Variants in RFC3 observed in about 807,000 individuals in gnomAD.
RFC3 encodes replication factor C subunit 3.
In RFC3, 41 loss-of-function variants were observed where a neutral mutation model predicts 45.1. The observed-to-expected ratio is 0.91, with a 90% confidence interval of 0.71 to 1.18. The LOEUF is 1.18. RFC3 is among the 50% of genes most tolerant of loss of function. RFC3 has a pLI of 0.00. For synonymous variants in RFC3, 149 were observed against 144.0 expected (o/e 1.03, Z -0.25); for missense variants, 423 against 428.1 (o/e 0.99, Z 0.10).
At chr13:33,823,352 T>C (rs1388501134) in intron 2 of RFC3, among the ~76,000 whole-genome samples, 1 of 152,148 alleles carries the variant, frequency 6.6e-6, no homozygotes, top group Non-Finnish European at 1.5e-5. Context: ...GAGATATTAA[T>C]TGTGGAATTG....
intron 8 of RFC3, among the ~76,000 whole-genome samples, chr13:33,947,304 T>C (rs2082960485): frequency 6.6e-6 from 1 of 152,186 alleles, no homozygotes; most frequent in African/African-American, 2.4e-5. Context: ...TTTCCCCTGC[T>C]TGCACTTATT....
At chr13:33,882,618 A>G (rs1179256146) in intron 8 of RFC3, among the ~76,000 whole-genome samples, 1 of 152,216 alleles carries the variant, frequency 6.6e-6, no homozygotes, top group Non-Finnish European at 1.5e-5. Context: ...TGGACCTGCT[A>G]GCTCCTAGAT....
At chr13:33,831,158 C>A in intron 6 of RFC3, 98 bp from the exon 7 acceptor site, 1 of 747,960 alleles carries the variant, frequency 1.3e-6, no homozygotes, top group Non-Finnish European at 2.3e-6. Flanking sequence ...TGCTGTGCAG[C>A]CCGGTTCCTA....
intron 8 of RFC3, among the ~76,000 whole-genome samples, chr13:33,914,125 G>T (rs1446952948): frequency 1.3e-5 from 2 of 151,832 alleles, no homozygotes; most frequent in Non-Finnish European, 2.9e-5. Context: ...GCGGTTCATG[G>T]TCAATTATAA....
intron 8 of RFC3, among the ~76,000 whole-genome samples, chr13:33,864,588 C>T (rs2082361494): frequency 6.6e-6 from 1 of 151,950 alleles, no homozygotes. Context: ...GGGAGTGTGA[C>T]TGGAGGTCAG....
intron 8 of RFC3, among the ~76,000 whole-genome samples, chr13:33,887,496 T>A (rs2082533749): frequency 6.6e-6 from 1 of 152,204 alleles, no homozygotes; most frequent in African/African-American, 2.4e-5. Context: ...GGTTTTTTCT[T>A]GTAAATTTGT....
intron 8 of RFC3, among the ~76,000 whole-genome samples, chr13:33,897,132 G>A (rs1218425480): frequency 6.6e-6 from 1 of 152,096 alleles, no homozygotes; most frequent in East Asian, 1.9e-4. Flanking sequence ...ACTATAGTGT[G>A]CAATCCATTT....
chr13:33,885,347 A>AG (rs397966584), intron 8 of RFC3, among the ~76,000 whole-genome samples: 1 of 151,954 alleles, frequency 6.6e-6, no homozygotes, highest in African/African-American at 2.4e-5. Flanking sequence ...AAAAAAAAAA[A>AG]CTGCGTAATT....
intron 4 of RFC3, chr13:33,829,393 C>T (rs1225269928): frequency 1.2e-5 from 2 of 171,132 alleles, no homozygotes; most frequent in Admixed American, 6.3e-5. Flanking sequence ...GGAAATGCAG[C>T]ACAGTACTTC....
rs752607124 is a variant in RFC3 at position 33,821,297 on chromosome 13, A to T, written c.225+28A>T. Reference sequence around the variant, plus strand: ...AAGCATTTCACTTTGAGGCCCTGAAAGTAATTTATAGCGGGGACTTTCAGT... The same window carrying T: ...AAGCATTTCACTTTGAGGCCCTGAATGTAATTTATAGCGGGGACTTTCAGT... On this transcript the variant is annotated intron_variant, in intron 2 of 8. Coordinates refer to ENST00000380071, the MANE Select transcript of RFC3 (RefSeq NM_002915.4). 5 of 1,609,526 alleles carry T rather than the reference A, an allele frequency of 3.1e-6. No individual in the cohort carries two copies. The South Asian group carries it at 5.5e-5, about 18-fold the overall frequency.
At chr13:33,827,899 G>C (rs902315575) in intron 4 of RFC3, among the ~76,000 whole-genome samples, 1 of 151,952 alleles carries the variant, frequency 6.6e-6, no homozygotes, top group Non-Finnish European at 1.5e-5. Context: ...GGGCTCTACA[G>C]CTACCTCTTG....
intron 8 of RFC3, among the ~76,000 whole-genome samples, chr13:33,945,315 T>C (rs1403575636): frequency 6.6e-6 from 1 of 152,222 alleles, no homozygotes; most frequent in Admixed American, 6.5e-5. Flanking sequence ...ACTTAGCACT[T>C]CATACATGTT....
intron 8 of RFC3, among the ~76,000 whole-genome samples, chr13:33,855,978 T>C (rs753306465): frequency 1.3e-5 from 2 of 152,214 alleles, no homozygotes; most frequent in Non-Finnish European, 2.9e-5. Flanking sequence ...TTTAATTAGA[T>C]CTCATTTGTC....
intron 8 of RFC3, among the ~76,000 whole-genome samples, chr13:33,906,004 G>T (rs1431463184): frequency 2.0e-5 from 3 of 151,990 alleles, no homozygotes; most frequent in South Asian, 2.1e-4. Flanking sequence ...AATTACTTCT[G>T]TTTTTAACAT....
intron 8 of RFC3, among the ~76,000 whole-genome samples, chr13:33,911,516 A>C (rs2082703684): frequency 6.6e-6 from 1 of 152,108 alleles, no homozygotes; most frequent in Non-Finnish European, 1.5e-5. Flanking sequence ...TATAAAAAAA[A>C]GAGGTGTATT....
chr13:33,856,908 C>T (rs1388471804), intron 8 of RFC3, among the ~76,000 whole-genome samples: 1 of 152,096 alleles, frequency 6.6e-6, no homozygotes, highest in Non-Finnish European at 1.5e-5. Context: ...CAGAGAGAGA[C>T]AGGTGGTTAC....
chr13:33,878,444 G>A (rs1321812559), intron 8 of RFC3, among the ~76,000 whole-genome samples: 1 of 152,086 alleles, frequency 6.6e-6, no homozygotes, highest in Non-Finnish European at 1.5e-5. Flanking sequence ...ATTTGATGAT[G>A]GGCTGGAAAT....
At chr13:33,832,614 A>G (rs1408973988) in intron 7 of RFC3, among the ~76,000 whole-genome samples, 4 of 152,190 alleles carry the variant, frequency 2.6e-5, no homozygotes, top group Admixed American at 2.6e-4. Context: ...GAAGTACCAA[A>G]TGTTATAAGT....
chr13:33,819,573 G>A (rs1478966540), intron 1 of RFC3, among the ~76,000 whole-genome samples: 1 of 151,620 alleles, frequency 6.6e-6, no homozygotes, highest in African/African-American at 2.4e-5. Context: ...TTTTTTTTTG[G>A]TCTCTTTATT....
Sources: gnomAD v4.1 joint callset for allele counts (sites outside exome capture counted in the v4.1 genomes callset) on GRCh38, gnomAD v4.1.1 for gene constraint, MANE v1.5 for transcripts, NCBI Gene and HGNC (gene_info 2026-07-23, HGNC 2026-07-21) for gene names.